The following OPCML variants were observed in gnomAD, a reference collection of about 807,000 sequenced individuals.
OPCML encodes the protein opioid-binding protein/cell adhesion molecule.
Under a neutral mutation model 37.8 loss-of-function variants are expected in OPCML, and 13 were observed. The ratio of observed to expected loss-of-function variants is 0.34; its 90% confidence interval spans 0.22 to 0.55. OPCML has a LOEUF of 0.55. Ranked by LOEUF, OPCML falls within the 20% of genes least tolerant of loss-of-function variation. The pLI, the probability that OPCML is intolerant of heterozygous loss-of-function variation, is 0.91. For missense variants in OPCML, 341 were observed against 435.6 expected (o/e 0.78, Z 1.93); for synonymous variants, 176 against 168.8 (o/e 1.04, Z -0.33).
chr11:132,657,874 C>T lies in OPCML; in HGVS notation c.147-555G>A, dbSNP rs139706656. Among the ~76,000 whole-genome samples, 421 of 152,234 alleles carry T rather than the reference C, an allele frequency of 2.8e-3. 4 individuals carry two copies. Among genetic ancestry groups the T allele is most frequent in the African/African-American group, 9.5e-3 (393 of 41,536 alleles). ...GTTGGTAAAATTCACCTTAGAAAGC[C>T]AACACTTCTTGAGGAAGTCAAAACT... On this transcript the variant is annotated intron_variant, in intron 2 of 7. Transcript: ENST00000524381.
At chr11:133,327,235 G>C (rs1281568807) in intron 1 of OPCML, among the ~76,000 whole-genome samples, 2 of 151,624 alleles carry the variant, frequency 1.3e-5, no homozygotes, top group Non-Finnish European at 2.9e-5. Context: ...ATGTGGGCGG[G>C]GGATATGTGG....
chr11:133,482,338 G>A (rs1463669137), intron 1 of OPCML, among the ~76,000 whole-genome samples: 1 of 152,162 alleles, frequency 6.6e-6, no homozygotes, highest in Admixed American at 6.5e-5. Context: ...GGAGTTAAGG[G>A]TGGCTAGCGA....
chr11:133,227,505 G>A (rs1487019538), intron 1 of OPCML, among the ~76,000 whole-genome samples: 3 of 152,144 alleles, frequency 2.0e-5, no homozygotes, highest in African/African-American at 7.2e-5. Flanking sequence ...GACTTGAATT[G>A]GGGAGGTGAT....
chr11:132,742,036 A>C (rs1945449947), intron 2 of OPCML, among the ~76,000 whole-genome samples: 1 of 152,150 alleles, frequency 6.6e-6, no homozygotes, highest in Non-Finnish European at 1.5e-5. Flanking sequence ...TCTCAAAAAA[A>C]AAAAAATTAA....
chr11:132,738,830 G>A (rs542017476), intron 2 of OPCML, among the ~76,000 whole-genome samples: 48 of 152,196 alleles, frequency 3.2e-4, no homozygotes, highest in Non-Finnish European at 2.1e-4. Flanking sequence ...GTAGTAGCAT[G>A]TGGTACCTTC....
At chr11:132,824,990 T>C (rs902589866) in intron 2 of OPCML, among the ~76,000 whole-genome samples, 1 of 152,204 alleles carries the variant, frequency 6.6e-6, no homozygotes, top group Non-Finnish European at 1.5e-5. Context: ...AGAGGGCTTC[T>C]CTGATACACA....
At chr11:133,203,749 C>A (rs1938903146) in intron 1 of OPCML, among the ~76,000 whole-genome samples, 1 of 152,100 alleles carries the variant, frequency 6.6e-6, no homozygotes. Flanking sequence ...CTATTCATTG[C>A]AGAATAATTT....
chr11:133,239,079 A>G (rs1940629820), intron 1 of OPCML, among the ~76,000 whole-genome samples: 1 of 152,194 alleles, frequency 6.6e-6, no homozygotes, highest in East Asian at 1.9e-4. Flanking sequence ...GTCAAAGTCA[A>G]CTCAGAAGAC....
chr11:132,741,137 A>G (rs1163618920), intron 2 of OPCML, among the ~76,000 whole-genome samples: 1 of 152,152 alleles, frequency 6.6e-6, no homozygotes, highest in Non-Finnish European at 1.5e-5. Flanking sequence ...GAAACCCAGT[A>G]TATCCTGAGC....
chr11:132,537,119 A>T (rs1480934091), intron 3 of OPCML, among the ~76,000 whole-genome samples: 1 of 152,218 alleles, frequency 6.6e-6, no homozygotes, highest in Non-Finnish European at 1.5e-5. Context: ...CAGCAACAAC[A>T]AAATAGTTCA....
At chr11:132,436,540 G>C in intron 6 of OPCML, 119 bp downstream of exon 6, 2 of 1,490,594 alleles carry the variant, frequency 1.3e-6, no homozygotes, top group Non-Finnish European at 1.8e-6. Context: ...ACAAAAGAGG[G>C]CATAGTATAT....
chr11:132,468,830 C>G (rs558744609), intron 4 of OPCML, among the ~76,000 whole-genome samples: 142 of 152,264 alleles, frequency 9.3e-4, no homozygotes, highest in African/African-American at 3.2e-3. Flanking sequence ...GCTGGTGGAT[C>G]TCAAAACTAC....
chr11:133,160,207 A>C (rs1950122677), intron 1 of OPCML, among the ~76,000 whole-genome samples: 1 of 152,266 alleles, frequency 6.6e-6, no homozygotes, highest in African/African-American at 2.4e-5. Flanking sequence ...TATGAAAAAC[A>C]GAGCAATTCC....
intron 2 of OPCML, among the ~76,000 whole-genome samples, chr11:132,898,231 GA>G (rs1466213886): frequency 6.6e-6 from 1 of 152,204 alleles, no homozygotes; most frequent in Non-Finnish European, 1.5e-5. Context: ...GTGGCAAGTT[GA>G]TTACATTGGA....
chr11:132,751,252 C>T (rs191699482), intron 2 of OPCML, among the ~76,000 whole-genome samples: 11 of 152,200 alleles, frequency 7.2e-5, no homozygotes, highest in Admixed American at 2.0e-4. Context: ...TGGTTTACTC[C>T]TTTCCTGCCC....
chr11:132,728,099 G>GA (rs1944948960), intron 2 of OPCML, among the ~76,000 whole-genome samples: 1 of 152,238 alleles, frequency 6.6e-6, no homozygotes, highest in Non-Finnish European at 1.5e-5. Context: ...GGTGAAAGAC[G>GA]AAAACGTGTG....
At chr11:132,893,727 C>A (rs1215774000) in intron 2 of OPCML, among the ~76,000 whole-genome samples, 7 of 152,208 alleles carry the variant, frequency 4.6e-5, no homozygotes, top group African/African-American at 1.7e-4. Context: ...TGGCACCTTG[C>A]TTTGCAATAT....
chr11:132,841,972 T>G (rs1378644522), intron 2 of OPCML, among the ~76,000 whole-genome samples: 1 of 150,588 alleles, frequency 6.6e-6, no homozygotes, highest in Admixed American at 6.6e-5. Context: ...ATCTGCATGC[T>G]ATTGAAAAGA....
chr11:132,568,754 C>T (rs1391920384), intron 3 of OPCML, among the ~76,000 whole-genome samples: 2 of 152,194 alleles, frequency 1.3e-5, no homozygotes, highest in African/African-American at 4.8e-5. Flanking sequence ...TTATTTTAAG[C>T]TACCCAGTTT....
Sources: allele counts gnomAD v4.1 joint callset (sites outside exome capture counted in the v4.1 genomes callset), GRCh38; gene constraint gnomAD v4.1.1; transcripts MANE v1.5; gene names NCBI Gene and HGNC (gene_info 2026-07-23, HGNC 2026-07-21).